The following RASGRP3 variants were observed in gnomAD, a reference collection of about 807,000 sequenced individuals.
RASGRP3 encodes ras guanyl-releasing protein 3.
A neutral mutation model predicts 82.7 loss-of-function variants in RASGRP3; 54 were observed. That is an observed-to-expected ratio of 0.65 (90% CI 0.52 to 0.82). RASGRP3 has a LOEUF of 0.82. Ranked by LOEUF, RASGRP3 falls within the 40% of genes least tolerant of loss-of-function variation. The pLI is 0.00. For missense variants in RASGRP3, 861 were observed against 828.9 expected (o/e 1.04, Z -0.48); for synonymous variants, 309 against 300.5 (o/e 1.03, Z -0.29).
chr2:33,455,849 G>T (rs1206108944), intron 2 of RASGRP3, among the ~76,000 whole-genome samples: 1 of 152,196 alleles, frequency 6.6e-6, no homozygotes, highest in African/African-American at 2.4e-5. Flanking sequence ...CTCCTGGGGG[G>T]AGGAAGAGCA....
chr2:33,494,345 A>G (rs1170538398), intron 1 of RASGRP3, among the ~76,000 whole-genome samples: 1 of 152,214 alleles, frequency 6.6e-6, no homozygotes, highest in African/African-American at 2.4e-5. Context: ...TCAGTAAATA[A>G]CGCTTCCCTG....
chr2:33,558,417 C>G, intron 16 of RASGRP3, 81 bp downstream of exon 16: 1 of 1,598,310 alleles, frequency 6.3e-7, no homozygotes. Flanking sequence ...GGTTCTGGGT[C>G]TAAACCCGGT....
chr2:33,439,419 C>T lies in RASGRP3; in HGVS notation c.-385+2828C>T, dbSNP rs1271457297. On this transcript the variant is annotated intron_variant, in intron 1 of 18. Coordinates refer to the RASGRP3 transcript ENST00000402538. The stretch of plus-strand genomic sequence containing the variant: ...GAGGACATCTATGATAAGAATGGAG[C>T]TGTGAGCATGAGCAGAGACAGGAAT... Among the ~76,000 whole-genome samples, 4 of 152,044 alleles carry T rather than the reference C, an allele frequency of 2.6e-5. No individual in the cohort carries two copies. The South Asian group carries it at 6.2e-4, about 24-fold the overall frequency.
intron 1 of RASGRP3, among the ~76,000 whole-genome samples, chr2:33,504,975 G>T (rs1670222764): frequency 6.6e-6 from 1 of 152,174 alleles, no homozygotes; most frequent in Non-Finnish European, 1.5e-5. Context: ...TTTTTGGTGA[G>T]AATTAAGTAA....
At chr2:33,458,334 A>T (rs552006905) in intron 2 of RASGRP3, among the ~76,000 whole-genome samples, 45 of 152,330 alleles carry the variant, frequency 3.0e-4, no homozygotes, top group African/African-American at 1.0e-3. Flanking sequence ...TATATTGAAT[A>T]TAATTTATGA....
intron 1 of RASGRP3, among the ~76,000 whole-genome samples, chr2:33,444,492 T>C (rs917512837): frequency 2.6e-5 from 4 of 152,228 alleles, no homozygotes; most frequent in East Asian, 1.9e-4. Context: ...TTCAAGTTGA[T>C]AGCTTCAGGT....
At chr2:33,507,222 C>G (rs1226730168) in intron 1 of RASGRP3, among the ~76,000 whole-genome samples, 8 of 152,118 alleles carry the variant, frequency 5.3e-5, no homozygotes, top group African/African-American at 1.9e-4. Flanking sequence ...TGGTGAAACC[C>G]CATCTCTACT....
intron 2 of RASGRP3, among the ~76,000 whole-genome samples, chr2:33,449,531 G>C (rs1265122467): frequency 3.3e-5 from 5 of 152,152 alleles, no homozygotes; most frequent in Non-Finnish European, 7.4e-5. Context: ...GGAGGCCGAG[G>C]GGGGCAGACC....
chr2:33,500,690 C>T (rs1447590051), intron 1 of RASGRP3, among the ~76,000 whole-genome samples: 2 of 152,194 alleles, frequency 1.3e-5, no homozygotes, highest in Non-Finnish European at 2.9e-5. Flanking sequence ...AATCCCAGCA[C>T]TTTGGGAGGC....
At chr2:33,445,389 C>T (rs893835943) in intron 1 of RASGRP3, among the ~76,000 whole-genome samples, 1 of 152,138 alleles carries the variant, frequency 6.6e-6, no homozygotes, top group Non-Finnish European at 1.5e-5. Context: ...TAGAGTTTAA[C>T]CAGTCAGAAA....
chr2:33,536,779 CT>C (rs1673654647), intron 11 of RASGRP3, among the ~76,000 whole-genome samples: 1 of 152,194 alleles, frequency 6.6e-6, no homozygotes, highest in African/African-American at 2.4e-5. Context: ...GATCCCTTCA[CT>C]GAGACTTGCG....
chr2:33,446,853 G>A (rs1368546440), intron 1 of RASGRP3, among the ~76,000 whole-genome samples: 2 of 151,836 alleles, frequency 1.3e-5, no homozygotes, highest in African/African-American at 4.8e-5. Flanking sequence ...AGAAAATGAG[G>A]AAGGACTGGG....
intron 1 of RASGRP3, among the ~76,000 whole-genome samples, chr2:33,477,340 T>G (rs1031796117): frequency 2.6e-5 from 4 of 151,934 alleles, no homozygotes; most frequent in African/African-American, 7.3e-5. Context: ...TATAGCGACT[T>G]TTTTTCCCCC....
intron 1 of RASGRP3, chr2:33,483,017 A>C (rs533670694): frequency 2.0e-5 from 3 of 149,470 alleles, no homozygotes; most frequent in South Asian, 2.1e-4. Flanking sequence ...TCAAGAGGAC[A>C]AAAGGGAACA....
rs537089948 is a variant in RASGRP3, at chr2:33,522,374, T to C, written c.516+272T>C. On this transcript the variant is annotated intron_variant, in intron 7 of 17. Transcript: ENST00000403687. The stretch of plus-strand genomic sequence containing the variant: ...TTTTTCTAAACAGTCAGTGGAGATT[T>C]AACCATTCAAGGTTGATTTAGCTCC... 2.6e-5 allele frequency among the ~76,000 whole-genome samples: 4 copies of C among 152,366 alleles called. No homozygotes were observed. In the South Asian group the frequency reaches 8.3e-4, roughly 32 times the overall value.
At chr2:33,457,467 T>A (rs1369693583) in intron 2 of RASGRP3, among the ~76,000 whole-genome samples, 1 of 152,226 alleles carries the variant, frequency 6.6e-6, no homozygotes, top group Non-Finnish European at 1.5e-5. Flanking sequence ...ATCAAGACCA[T>A]CTTTCCATTA....
chr2:33,476,182 G>C (rs1667350685), upstream of RASGRP3: 1 of 152,212 alleles, frequency 6.6e-6, no homozygotes, highest in African/African-American at 2.4e-5. Flanking sequence ...ACTGGAGCCT[G>C]AGATTCTGAG....
intron 14 of RASGRP3, chr2:33,555,199 CAGGG>C: frequency 5.0e-6 from 1 of 199,958 alleles, no homozygotes. Context: ...AAGAGAGAGC[CAGGG>C]GCTCCCAAAG....
chr2:33,549,804 C>T (rs1396188494), intron 14 of RASGRP3, 53 bp downstream of exon 14: 6 of 1,546,382 alleles, frequency 3.9e-6, no homozygotes, highest in South Asian at 1.2e-5. Flanking sequence ...GTGTGGCATT[C>T]TGAAAAAGTA....
Sources: gnomAD v4.1 joint callset for allele counts (sites outside exome capture counted in the v4.1 genomes callset) on GRCh38, gnomAD v4.1.1 for gene constraint, MANE v1.5 for transcripts, NCBI Gene and HGNC (gene_info 2026-07-23, HGNC 2026-07-21) for gene names.